Variants in SEZ6L observed in about 807,000 individuals in gnomAD.
SEZ6L encodes seizure related 6 homolog like, also known as seizure 6-like protein.
In SEZ6L, 37 loss-of-function variants were observed where a neutral mutation model predicts 106.2. That is an observed-to-expected ratio of 0.35 (90% CI 0.27 to 0.46). The LOEUF (loss-of-function observed/expected upper bound fraction) is 0.46, where lower values mean the gene tolerates loss of function less well. Ranked by LOEUF, SEZ6L falls within the 20% of genes least tolerant of loss-of-function variation. The pLI, the probability that SEZ6L is intolerant of heterozygous loss-of-function variation, is 1.00. For synonymous variants in SEZ6L, 541 were observed against 570.4 expected (o/e 0.95, Z 0.73); for missense variants, 1,172 against 1,332.8 (o/e 0.88, Z 1.88).
chr22:26,365,908 G>A (rs1039508921), intron 13 of SEZ6L, among the ~76,000 whole-genome samples: 1 of 151,898 alleles, frequency 6.6e-6, no homozygotes, highest in Non-Finnish European at 1.5e-5. Flanking sequence ...ATAGAGCTGA[G>A]CTGCTGTACT....
intron 1 of SEZ6L, among the ~76,000 whole-genome samples, chr22:26,187,199 G>T (rs1264871541): frequency 6.6e-6 from 1 of 152,208 alleles, no homozygotes; most frequent in Non-Finnish European, 1.5e-5. Context: ...AAGGCAGAAG[G>T]GGAAGCAAAC....
intron 1 of SEZ6L, chr22:26,292,131 GGAAAGAAA>G (rs199804075): frequency 1.1e-3 from 383 of 343,812 alleles, no homozygotes; most frequent in African/African-American, 8.1e-3. Context: ...GAGGGAGGGA[GGAAAGAAA>G]GAAAGAAAGG....
At chr22:26,274,730 A>G (rs1049218028) in intron 1 of SEZ6L, among the ~76,000 whole-genome samples, 1 of 152,326 alleles carries the variant, frequency 6.6e-6, no homozygotes, top group Non-Finnish European at 1.5e-5. Context: ...CACAGCTTCC[A>G]GCTTTCCTCT....
chr22:26,308,544 T>C (rs2081711669), intron 6 of SEZ6L, among the ~76,000 whole-genome samples: 1 of 152,116 alleles, frequency 6.6e-6, no homozygotes, highest in African/African-American at 2.4e-5. Flanking sequence ...AGTCTCATAA[T>C]ATGCCCCCAA....
In SEZ6L at chr22:26,189,977, G is replaced by A. The variant is rs1940074738; in HGVS notation, c.94+20214G>A. Reference sequence around the variant, plus strand: ...CTGGGCGTGGTGGCGGGCACCTGTGGTCCCAGTTACTCGGGAGGCTGAGGC... The same window carrying A: ...CTGGGCGTGGTGGCGGGCACCTGTGATCCCAGTTACTCGGGAGGCTGAGGC... On this transcript the variant is annotated intron_variant, in intron 1 of 16. Coordinates refer to ENST00000248933, the MANE Select transcript of SEZ6L (RefSeq NM_021115.5). 2.6e-5 allele frequency among the ~76,000 whole-genome samples: 4 copies of A among 151,946 alleles called. No individual in the cohort carries two copies. The South Asian group carries it at 8.3e-4, about 32-fold the overall frequency.
At chr22:26,234,240 A>C (rs2078888465) in intron 1 of SEZ6L, among the ~76,000 whole-genome samples, 1 of 152,282 alleles carries the variant, frequency 6.6e-6, no homozygotes, top group East Asian at 1.9e-4. Flanking sequence ...AGTTCCCAGG[A>C]AAGACAGATT....
chr22:26,302,786 G>A (rs73158619), intron 5 of SEZ6L, among the ~76,000 whole-genome samples: 1,768 of 152,298 alleles, frequency 0.012, 10 homozygotes, highest in Middle Eastern at 0.037. Context: ...GGGGAGCCAC[G>A]GCTGGCAAAT....
At chr22:26,367,103 C>T (rs1034641109) in intron 13 of SEZ6L, among the ~76,000 whole-genome samples, 1 of 152,108 alleles carries the variant, frequency 6.6e-6, no homozygotes, top group Admixed American at 6.5e-5. Flanking sequence ...TCTGTAGGAA[C>T]GTCCATAACG....
intron 10 of SEZ6L, 44 bp from the exon 11 acceptor site, chr22:26,347,675 C>T: frequency 1.3e-6 from 2 of 1,533,844 alleles, no homozygotes; most frequent in East Asian, 2.4e-5. Flanking sequence ...GCCCCGACAA[C>T]AAGACTGCTT....
intron 9 of SEZ6L, among the ~76,000 whole-genome samples, chr22:26,327,006 G>T (rs912748373): frequency 6.6e-6 from 1 of 152,128 alleles, no homozygotes; most frequent in Non-Finnish European, 1.5e-5. Flanking sequence ...TGTTCTGGCC[G>T]CTCGGATTGG....
chr22:26,362,043 C>A (rs2083652938), intron 12 of SEZ6L, among the ~76,000 whole-genome samples: 1 of 151,808 alleles, frequency 6.6e-6, no homozygotes, highest in Admixed American at 6.6e-5. Flanking sequence ...AAAAATACAT[C>A]AAAGCACAGG....
At chr22:26,362,098 C>T (rs1402464713) in intron 12 of SEZ6L, among the ~76,000 whole-genome samples, 1 of 152,164 alleles carries the variant, frequency 6.6e-6, no homozygotes, top group Non-Finnish European at 1.5e-5. Context: ...AGTCCATCCC[C>T]AAGGCACGCT....
chr22:26,332,158 T>G (rs1299029859), intron 9 of SEZ6L, among the ~76,000 whole-genome samples: 3 of 148,106 alleles, frequency 2.0e-5, no homozygotes, highest in Non-Finnish European at 3.0e-5. Flanking sequence ...TTTTTTTTTT[T>G]TTTTTTTTTG....
chr22:26,334,509 A>G (rs146551641), intron 9 of SEZ6L, among the ~76,000 whole-genome samples: 1 of 152,206 alleles, frequency 6.6e-6, no homozygotes, highest in East Asian at 1.9e-4. Flanking sequence ...AATAGACCGT[A>G]TTTTGCTTAT....
intron 1 of SEZ6L, among the ~76,000 whole-genome samples, chr22:26,183,439 A>G (rs1191787568): frequency 6.6e-6 from 1 of 152,184 alleles, no homozygotes; most frequent in Non-Finnish European, 1.5e-5. Flanking sequence ...CCAAGGGACC[A>G]GGGTTGGGAG....
At chr22:26,195,920 A>T (rs1184999628) in intron 1 of SEZ6L, among the ~76,000 whole-genome samples, 2 of 152,094 alleles carry the variant, frequency 1.3e-5, no homozygotes, top group East Asian at 1.9e-4. Context: ...TTAAACTAAG[A>T]TCTGATGGAT....
In SEZ6L at chr22:26,380,790, T is replaced by C. The variant is rs968488353; in HGVS notation, c.*495T>C. 2.0e-5 allele frequency: 3 copies of C among 153,164 alleles called. No individual in the cohort carries two copies. The highest frequency in any genetic ancestry group is 7.2e-5 in the African/African-American group (3 of 41,466). 9.5% of individuals were successfully genotyped at this position (153,164 alleles called of 1,614,324 possible). A position where few individuals can be genotyped will look rare whatever the true frequency, so the allele number is the denominator to read the frequency against. On this transcript the variant is annotated 3_prime_UTR_variant, in exon 17 of 17. Transcript: ENST00000248933. ...TTGGAGAGCTGTGCTCCTAAACAAA[T>C]TCTGTGTCCTCTCTTCCCATTTTGC...
intron 9 of SEZ6L, among the ~76,000 whole-genome samples, chr22:26,323,545 A>G (rs2082216041): frequency 6.6e-6 from 1 of 152,172 alleles, no homozygotes; most frequent in Non-Finnish European, 1.5e-5. Flanking sequence ...AGGTGGGAGA[A>G]TCACCTGAGC....
At chr22:26,272,887 G>T (rs1010368234) in intron 1 of SEZ6L, among the ~76,000 whole-genome samples, 6 of 152,140 alleles carry the variant, frequency 3.9e-5, no homozygotes, top group African/African-American at 1.4e-4. Flanking sequence ...GTGTGTTTGT[G>T]GGTATGTGTA....
Sources: allele counts gnomAD v4.1 joint callset (sites outside exome capture counted in the v4.1 genomes callset), GRCh38; gene constraint gnomAD v4.1.1; transcripts MANE v1.5; gene names NCBI Gene and HGNC (gene_info 2026-07-23, HGNC 2026-07-21).